FAM185A: variants seen among roughly 807,000 people sequenced by gnomAD.
FAM185A encodes the protein protein FAM185A.
In FAM185A, 21 loss-of-function variants were observed where a neutral mutation model predicts 45.7. That is an observed-to-expected ratio of 0.46 (90% confidence interval 0.33 to 0.66). The LOEUF (loss-of-function observed/expected upper bound fraction) is 0.66, where lower values mean the gene tolerates loss of function less well. Among genes scored for constraint, FAM185A ranks in the 30% least tolerant of loss-of-function variants. The pLI is 0.03. For missense variants in FAM185A, 305 were observed against 485.4 expected, an observed-to-expected ratio of 0.63 and a Z score of 3.49; for synonymous variants, 117 against 194.0, an observed-to-expected ratio of 0.60 and a Z score of 3.30.
At chr7:102,799,838 C>A (rs981692961) in intron 7 of FAM185A, among the ~76,000 whole-genome samples, 1 of 152,082 alleles carries the variant, frequency 6.6e-6, no homozygotes, top group Non-Finnish European at 1.5e-5. Context: ...GTGGAGAGAG[C>A]CCAGTGGCCG....
chr7:102,808,255 C>T (rs756964272), intron 7 of FAM185A, 35 bp from the exon 8 acceptor site: 12 of 1,340,052 alleles, frequency 9.0e-6, no homozygotes, highest in Non-Finnish European at 1.2e-5. Flanking sequence ...TCAATTAATG[C>T]TCTTGATATA....
At chr7:102,802,733 C>CA (rs992120133) in intron 7 of FAM185A, among the ~76,000 whole-genome samples, 2 of 151,162 alleles carry the variant, frequency 1.3e-5, no homozygotes, top group East Asian at 3.9e-4. Context: ...AACAAACAAA[C>CA]AAAAAAATAC....
At chr7:102,797,692 C>T (rs1796518260) in intron 7 of FAM185A, among the ~76,000 whole-genome samples, 1 of 152,114 alleles carries the variant, frequency 6.6e-6, no homozygotes, top group Non-Finnish European at 1.5e-5. Flanking sequence ...TTTTGAACCT[C>T]CCTAATATAC....
At chr7:102,821,970 TTATAGCCA>T in the FAM185A span, 1 of 1,495,092 alleles carries the variant, frequency 6.7e-7, no homozygotes, top group African/African-American at 1.4e-5. Context: ...ATTATGAACC[TTATAGCCA>T]TATACTATGT....
At chr7:102,758,432 T>A (rs1302519415) in intron 3 of FAM185A, among the ~76,000 whole-genome samples, 14 of 107,644 alleles carry the variant, frequency 1.3e-4, no homozygotes, top group Non-Finnish European at 1.7e-4. Flanking sequence ...CACAGCTTTT[T>A]TTTTTTTTTT....
At chr7:102,769,719 A>T (rs1463285434) in intron 4 of FAM185A, among the ~76,000 whole-genome samples, 1 of 151,994 alleles carries the variant, frequency 6.6e-6, no homozygotes, top group Non-Finnish European at 1.5e-5. Flanking sequence ...GAGAAGTCTG[A>T]GGTCTAGGAG....
the FAM185A span, among the ~76,000 whole-genome samples, chr7:102,826,754 TA>T: frequency 8.8e-6 from 1 of 114,240 alleles, no homozygotes; most frequent in African/African-American, 3.4e-5. Context: ...TATATATATA[TA>T]TATATATATA....
intron 5 of FAM185A, among the ~76,000 whole-genome samples, chr7:102,775,010 G>GTTT (rs200919500): frequency 1.2e-5 from 1 of 80,002 alleles, no homozygotes; most frequent in Admixed American, 1.2e-4. Context: ...TTTTGTTTTT[G>GTTT]TTTTTTTTTT....
chr7:102,749,703 A>G (rs1793238973), intron 1 of FAM185A, 45 bp downstream of exon 1: 5 of 1,491,372 alleles, frequency 3.4e-6, no homozygotes, highest in Non-Finnish European at 8.9e-7. Flanking sequence ...CAGGGAACGC[A>G]CAGTGAACTT....
At chr7:102,823,347 A>G in the FAM185A span, among the ~76,000 whole-genome samples, 6 of 152,342 alleles carry the variant, frequency 3.9e-5, no homozygotes, top group East Asian at 9.6e-4. Context: ...TCATATTACT[A>G]TGAGAAGGGA....
At chr7:102,778,331 C>T (rs1795197547) in intron 6 of FAM185A, among the ~76,000 whole-genome samples, 1 of 152,260 alleles carries the variant, frequency 6.6e-6, no homozygotes, top group South Asian at 2.1e-4. Flanking sequence ...CTTATGTCCT[C>T]ACTAAATCTA....
the FAM185A span, chr7:102,814,265 G>A: frequency 1.3e-5 from 2 of 152,090 alleles, no homozygotes; most frequent in African/African-American, 4.8e-5. Context: ...ACTTCTGTAC[G>A]ATTAGAAATG....
At chr7:102,830,714 C>T in the FAM185A span, among the ~76,000 whole-genome samples, 6 of 152,132 alleles carry the variant, frequency 3.9e-5, no homozygotes, top group South Asian at 2.1e-4. Flanking sequence ...TTAAATAAAG[C>T]GTAGGGCATC....
intron 7 of FAM185A, among the ~76,000 whole-genome samples, chr7:102,806,059 CAT>C: frequency 6.6e-6 from 1 of 152,296 alleles, no homozygotes; most frequent in African/African-American, 2.4e-5. Context: ...AACTCAGAGA[CAT>C]ATGTTCAGAT....
At chr7:102,783,329 C>A (rs911403163) in intron 6 of FAM185A, among the ~76,000 whole-genome samples, 4 of 152,266 alleles carry the variant, frequency 2.6e-5, no homozygotes, top group Non-Finnish European at 4.4e-5. Flanking sequence ...CTCTCCACCC[C>A]AAATCAACAG....
chr7:102,846,150 T>C, the FAM185A span, among the ~76,000 whole-genome samples: 3 of 152,196 alleles, frequency 2.0e-5, no homozygotes, highest in African/African-American at 4.8e-5. Flanking sequence ...GTATTGAATT[T>C]TTCTGCTTAT....
At chr7:102,786,794 G>A (rs895019623) in intron 6 of FAM185A, among the ~76,000 whole-genome samples, 1 of 150,740 alleles carries the variant, frequency 6.6e-6, no homozygotes, top group Non-Finnish European at 1.5e-5. Context: ...TAACCTGCAC[G>A]TTGTGCACAT....
In FAM185A at chr7:102,784,977, C is replaced by A. The variant is rs530433353; in HGVS notation, c.932-2358C>A. Among the ~76,000 whole-genome samples, 113 of 152,320 alleles carry A rather than the reference C, an allele frequency of 7.4e-4. 1 individual carries two copies. The South Asian group carries it at 0.023, about 31-fold the overall frequency. On this transcript the variant is annotated intron_variant, in intron 6 of 7. Coordinates refer to ENST00000413034, the MANE Select transcript of FAM185A (RefSeq NM_001145268.2). ...ATCTCCTTAAGCTGATAGGCAACTTCAGCAAAGTCTCAGGATACAAAATCA... is the reference window on the plus strand; with the variant it reads ...ATCTCCTTAAGCTGATAGGCAACTTAAGCAAAGTCTCAGGATACAAAATCA...
the FAM185A span, among the ~76,000 whole-genome samples, chr7:102,833,436 CTTT>C: frequency 7.4e-6 from 1 of 134,600 alleles, no homozygotes; most frequent in African/African-American, 2.7e-5. Flanking sequence ...AGCCTGTTTC[CTTT>C]TTTTTTTTTT....
Sources: gnomAD v4.1 joint callset for allele counts (sites outside exome capture counted in the v4.1 genomes callset) on GRCh38, gnomAD v4.1.1 for gene constraint, MANE v1.5 for transcripts, NCBI Gene and HGNC (gene_info 2026-07-23, HGNC 2026-07-21) for gene names.